DNAH12: variants seen among roughly 807,000 people sequenced by gnomAD.
The protein encoded by DNAH12 is dynein axonemal heavy chain 12.
Under a neutral mutation model 371.5 loss-of-function variants are expected in DNAH12, and 285 were observed. The ratio of observed to expected loss-of-function variants is 0.77; its 90% CI spans 0.70 to 0.85. The LOEUF (loss-of-function observed/expected upper bound fraction) is 0.85. Among genes scored for constraint, DNAH12 ranks in the 40% least tolerant of loss-of-function variants. The pLI, the probability that DNAH12 is intolerant of heterozygous loss-of-function variation, is 0.00. For missense variants in DNAH12, 3,611 were observed against 3,689.4 expected, an observed-to-expected ratio of 0.98 and a Z score of 0.55; for synonymous variants, 1,200 against 1,213.0, an observed-to-expected ratio of 0.99 and a Z score of 0.22.
chr3:57,307,402 C>T (rs2061494790), intron 69 of DNAH12, among the ~76,000 whole-genome samples: 1 of 152,162 alleles, frequency 6.6e-6, no homozygotes. Context: ...TTTCATTACC[C>T]ACAGCCCAAA....
rs368517942 is a variant in DNAH12 at position 57,415,411 on chromosome 3, T to C, written c.5853+15A>G. On this transcript the variant is annotated intron_variant, in intron 38 of 73. Coordinates refer to ENST00000495027, the MANE Select transcript of DNAH12 (RefSeq NM_001366028.2). ...AAAATTAACGATAGACCCCCATTTC[T>C]GTCTTTAAACTAACCTGAACCTGAT... is the stretch of plus-strand genomic sequence containing the variant. The C allele has an allele frequency of 1.5e-4, 235 of 1,544,764 alleles. No homozygotes were observed. The highest frequency in any genetic ancestry group is 1.8e-4 in the Non-Finnish European group (207 of 1,145,602).
chr3:57,359,483 C>T (rs2062873095), intron 58 of DNAH12, among the ~76,000 whole-genome samples: 1 of 143,654 alleles, frequency 7.0e-6, no homozygotes, highest in South Asian at 2.3e-4. Flanking sequence ...GGCTTGAACC[C>T]GGGAGGCAGA....
Position 57,511,618 on chromosome 3 carries a change from C to T in DNAH12, c.280-639G>A, listed in dbSNP as rs939428102. ...AAGTTCATGTGGAAAAATAAACATGCAAGAATAGCCAAGAAAACCCTGAGA... is the reference window on the plus strand; with the variant it reads ...AAGTTCATGTGGAAAAATAAACATGTAAGAATAGCCAAGAAAACCCTGAGA... On this transcript the variant is annotated intron_variant, in intron 4 of 73. Coordinates refer to ENST00000495027, the MANE Select transcript of DNAH12 (RefSeq NM_001366028.2). 2.6e-5 allele frequency among the ~76,000 whole-genome samples: 4 copies of T among 152,026 alleles called. No homozygotes were observed. In the South Asian group the frequency reaches 6.2e-4, roughly 24 times the overall value.
At chr3:57,305,395 C>T (rs145655249) in intron 69 of DNAH12, among the ~76,000 whole-genome samples, 3,424 of 152,136 alleles carry the variant, frequency 0.023, 118 homozygotes, top group African/African-American at 0.074. Context: ...CCTCAGCCTC[C>T]GCTCCTCCAC....
intron 60 of DNAH12, among the ~76,000 whole-genome samples, chr3:57,338,817 G>A (rs566491310): frequency 1.2e-4 from 19 of 152,352 alleles, no homozygotes; most frequent in South Asian, 4.1e-4. Flanking sequence ...CTGCCTGGCC[G>A]CTGTGCAATC....
chr3:57,322,365 T>C lies in DNAH12; in HGVS notation c.10502A>G (p.Lys3501Arg), dbSNP rs1410450435. ...TDPVSDPEFF[K>R]GCRGKELAWE... is the part of the protein sequence containing the mutation. Reference sequence around the variant, plus strand: ...TACCAGTTCCTTTCCACGGCATCCCTTGAAAAACTCAGGATCAGAAACTGG... The same window carrying C: ...TACCAGTTCCTTTCCACGGCATCCCCTGAAAAACTCAGGATCAGAAACTGG... The change falls in exon 65 of 74, where the codon AAG (lysine) becomes AGG (arginine). Residue 3501 changes from lysine (K) to arginine (R), a missense_variant. Physicochemically the swap from Lys to Arg is conservative, Grantham distance 26 (BLOSUM62 2). Coordinates refer to ENST00000495027, the MANE Select transcript of DNAH12 (RefSeq NM_001366028.2). 1.9e-6 allele frequency: 3 copies of C among 1,551,584 alleles called. No homozygotes were observed. The highest frequency in any genetic ancestry group is 8.7e-7 in the Non-Finnish European group (1 of 1,146,898).
At chr3:57,430,470 GA>G (rs1349664993) in intron 32 of DNAH12, among the ~76,000 whole-genome samples, 3 of 151,936 alleles carry the variant, frequency 2.0e-5, no homozygotes, top group Non-Finnish European at 4.4e-5. Flanking sequence ...TTCAATCAAA[GA>G]CTATGCATTG....
At chr3:57,409,437 G>C (rs2064136571) in intron 39 of DNAH12, among the ~76,000 whole-genome samples, 1 of 152,048 alleles carries the variant, frequency 6.6e-6, no homozygotes, top group African/African-American at 2.4e-5. Flanking sequence ...AAACGAATGA[G>C]TAGACAAATA....
Position 57,536,187 on chromosome 3 carries a change from T to C in DNAH12, c.170+6514A>G, listed in dbSNP as rs181968210. 2.7e-5 allele frequency: 4 copies of C among 149,332 alleles called. No homozygotes were observed. The East Asian group carries it at 7.7e-4, about 29-fold the overall frequency. The allele number at this position is 149,332 out of a possible 1,614,324, so 9.3% of individuals were successfully genotyped here. A position where few individuals can be genotyped will look rare whatever the true frequency, so the allele number is the denominator to read the frequency against. On this transcript the variant is annotated intron_variant, in intron 2 of 73. Coordinates refer to ENST00000495027, the MANE Select transcript of DNAH12 (RefSeq NM_001366028.2). ...AGTCTGTAGTATTCAGTTATAGCAA[T>C]AAAAAATAGACTAGGATACTTCTGT...
intron 29 of DNAH12, among the ~76,000 whole-genome samples, chr3:57,440,789 A>G (rs2065278212): frequency 6.6e-6 from 1 of 152,160 alleles, no homozygotes. Context: ...GGAGTTCAAG[A>G]CCAGCCTGAG....
At chr3:57,446,827 C>A in intron 25 of DNAH12, 138 bp from the exon 26 acceptor site, 1 of 915,812 alleles carries the variant, frequency 1.1e-6, no homozygotes, top group Non-Finnish European at 1.5e-6. Flanking sequence ...AATTTTTAGC[C>A]CAAATTTTTC....
chr3:57,295,125 C>G (rs1168293095), intron 73 of DNAH12, among the ~76,000 whole-genome samples: 1 of 152,182 alleles, frequency 6.6e-6, no homozygotes, highest in African/African-American at 2.4e-5. Flanking sequence ...GCTCCTAGGC[C>G]TAGCAGTTTC....
intron 18 of DNAH12, among the ~76,000 whole-genome samples, chr3:57,462,440 T>G (rs947366910): frequency 6.6e-6 from 1 of 151,942 alleles, no homozygotes; most frequent in African/African-American, 2.4e-5. Flanking sequence ...TTAGTAGGGA[T>G]GGGGTCTCAC....
chr3:57,405,553 A>G (rs2063997563), intron 41 of DNAH12, 100 bp downstream of exon 41: 1 of 1,270,916 alleles, frequency 7.9e-7, no homozygotes, highest in Admixed American at 2.9e-5. Context: ...TGCTAAAAGA[A>G]TATGTTCATT....
At chr3:57,390,424 A>AAAAAAAAAAAAAAAAAATAT in intron 45 of DNAH12, among the ~76,000 whole-genome samples, 1 of 33,420 alleles carries the variant, frequency 3.0e-5, no homozygotes, top group African/African-American at 6.3e-5. Context: ...AAAAAAAAAA[A>AAAAAAAAAAAAAAAAAATAT]ATATATATAT....
At chr3:57,540,244 T>A (rs1575756646) in intron 2 of DNAH12, among the ~76,000 whole-genome samples, 1 of 151,710 alleles carries the variant, frequency 6.6e-6, no homozygotes, top group African/African-American at 2.4e-5. Context: ...AGAGACAGGG[T>A]TTTGCCATGT....
At chr3:57,521,712 C>A (rs2068452845) in intron 4 of DNAH12, among the ~76,000 whole-genome samples, 1 of 151,886 alleles carries the variant, frequency 6.6e-6, no homozygotes, top group African/African-American at 2.4e-5. Context: ...CATGGTGAAA[C>A]CCTGTCTCTA....
At chr3:57,409,685 G>A (rs782355777) in intron 39 of DNAH12, among the ~76,000 whole-genome samples, 41 of 152,114 alleles carry the variant, frequency 2.7e-4, no homozygotes, top group Non-Finnish European at 5.4e-4. Context: ...AGGGCCTATA[G>A]TAATAACAAA....
chr3:57,310,003 C>G, intron 67 of DNAH12, 149 bp from the exon 68 acceptor site: 1 of 630,080 alleles, frequency 1.6e-6, no homozygotes, highest in Non-Finnish European at 2.6e-6. Flanking sequence ...AAAGAGGTCT[C>G]TGCCCTCCCC....
Sources: allele counts gnomAD v4.1 joint callset (sites outside exome capture counted in the v4.1 genomes callset), GRCh38; gene constraint gnomAD v4.1.1; transcripts MANE v1.5; gene names NCBI Gene and HGNC (gene_info 2026-07-23, HGNC 2026-07-21).